Variants in TAX1BP1 observed in about 807,000 individuals in gnomAD.
TAX1BP1 encodes the protein Tax1 binding protein 1, also known as tax1-binding protein 1.
In TAX1BP1, 62 loss-of-function variants were observed where a neutral mutation model predicts 97.7. The observed-to-expected ratio is 0.63, with a 90% CI of 0.52 to 0.78. TAX1BP1 has a LOEUF of 0.78. TAX1BP1 is among the 30% of genes least tolerant of loss of function. TAX1BP1 has a pLI of 0.00. For synonymous variants in TAX1BP1, 340 were observed against 304.2 expected, an observed-to-expected ratio of 1.12 and a Z score of -1.23; for missense variants, 867 against 916.1, an observed-to-expected ratio of 0.95 and a Z score of 0.69.
chr7:27,748,769 C>A, intron 2 of TAX1BP1, 83 bp downstream of exon 2: 2 of 1,101,002 alleles, frequency 1.8e-6, no homozygotes, highest in African/African-American at 1.6e-5. Flanking sequence ...CTTTTACTTG[C>A]CTTAACTCTG....
At chr7:27,818,952 G>A (rs1790876536) in intron 15 of TAX1BP1, among the ~76,000 whole-genome samples, 1 of 152,066 alleles carries the variant, frequency 6.6e-6, no homozygotes. Flanking sequence ...CTGTCAAATG[G>A]ACTAAACCAG....
chr7:27,740,005 A>G (rs1046153662), upstream of TAX1BP1: 1 of 152,272 alleles, frequency 6.6e-6, no homozygotes, highest in Non-Finnish European at 1.5e-5. Context: ...GTAAGGAGAG[A>G]GCCAGCCTAC....
At chr7:27,791,898 A>G (rs575973422) in intron 8 of TAX1BP1, 108 bp from the exon 9 acceptor site, 2 of 951,998 alleles carry the variant, frequency 2.1e-6, no homozygotes, top group East Asian at 5.2e-5. Context: ...GAGTAGAAAA[A>G]CCAATATCTA....
At chr7:27,768,172 G>T (rs1469385142) in intron 4 of TAX1BP1, among the ~76,000 whole-genome samples, 1 of 151,938 alleles carries the variant, frequency 6.6e-6, no homozygotes, top group Non-Finnish European at 1.5e-5. Flanking sequence ...GGTGATGCTT[G>T]CTCTGAAGTA....
rs759547346 is a variant in TAX1BP1 at position 27,794,377 on chromosome 7, G to C, written c.1465G>C (p.Asp489His). The C allele has an allele frequency of 5.0e-6, 8 of 1,613,240 alleles. No homozygotes were observed. In the Admixed American group the frequency reaches 5.0e-5, roughly 10 times the overall value. Residue 489 changes from aspartate to histidine, a missense_variant, in exon 11 of 17, where the codon GAT becomes CAT. Transcript: ENST00000396319. ...KKTGNQQKVN[D>H]ASVNTDPATS... ...AACGGGGAATCAGCAGAAAGTGAAT[G>C]ATGCTTCAGTAAACACAGACCCAGC...
At chr7:27,760,532 G>A (rs1471581578) in intron 3 of TAX1BP1, among the ~76,000 whole-genome samples, 2 of 151,222 alleles carry the variant, frequency 1.3e-5, no homozygotes, top group South Asian at 2.1e-4. Flanking sequence ...AGCTGGGACC[G>A]GAGGCGCCCG....
At chr7:27,742,249 C>A (rs1375589916) in intron 1 of TAX1BP1, among the ~76,000 whole-genome samples, 1 of 152,168 alleles carries the variant, frequency 6.6e-6, no homozygotes, top group African/African-American at 2.4e-5. Flanking sequence ...TCCCACGAGG[C>A]CATATTTCAG....
At chr7:27,778,523 A>G (rs1428553362) in intron 5 of TAX1BP1, among the ~76,000 whole-genome samples, 1 of 152,212 alleles carries the variant, frequency 6.6e-6, no homozygotes, top group Non-Finnish European at 1.5e-5. Flanking sequence ...GAAAGCAAGC[A>G]TCCAAAAGCC....
intron 2 of TAX1BP1, among the ~76,000 whole-genome samples, chr7:27,753,162 T>C (rs1788084549): frequency 6.6e-6 from 1 of 152,116 alleles, no homozygotes; most frequent in African/African-American, 2.4e-5. Context: ...TAGCCGGGTG[T>C]GGTGGTGCAT....
At position 27,761,852 on chromosome 7, in the gene TAX1BP1, A is replaced by G. The variant is rs373567985; in HGVS notation, c.265+3719A>G. Among the ~76,000 whole-genome samples, 10 of 152,266 alleles carry G rather than the reference A, an allele frequency of 6.6e-5. No individual in the cohort carries two copies. In the South Asian group the frequency reaches 1.5e-3, roughly 22 times the overall value. ...ATGTGAGTAAATACCAGGGAATGTA[A>G]TTAATTAATTGTATAAGAGCATGTT... is the stretch of plus-strand genomic sequence containing the variant. On this transcript the variant is annotated intron_variant, in intron 3 of 16. Coordinates refer to ENST00000396319, the MANE Select transcript of TAX1BP1 (RefSeq NM_006024.7).
At chr7:27,819,845 A>G (rs1790910267) in intron 15 of TAX1BP1, among the ~76,000 whole-genome samples, 1 of 152,226 alleles carries the variant, frequency 6.6e-6, no homozygotes, top group Non-Finnish European at 1.5e-5. Flanking sequence ...ATATCCTTAG[A>G]AAATTAAAAT....
rs573462689 is a variant in TAX1BP1, at chr7:27,751,809, T to C, written c.162+3123T>C. 2.5e-3 allele frequency among the ~76,000 whole-genome samples: 373 copies of C among 152,154 alleles called. 1 individual carries two copies. The highest frequency in any genetic ancestry group is 8.6e-3 in the African/African-American group (358 of 41,520). On this transcript the variant is annotated intron_variant, in intron 2 of 16. Transcript: ENST00000396319. ...TTGATTTGCCTGGGACAGCTATCAA[T>C]TAAAAATTTATTATTATTATTTTTT...
chr7:27,768,923 G>A (rs1016481069), intron 4 of TAX1BP1, among the ~76,000 whole-genome samples: 5 of 151,912 alleles, frequency 3.3e-5, no homozygotes, highest in Non-Finnish European at 7.4e-5. Context: ...TACCACCTTT[G>A]TTAAGTCTTC....
chr7:27,740,932 A>C (rs572651737), intron 1 of TAX1BP1, among the ~76,000 whole-genome samples: 3 of 152,082 alleles, frequency 2.0e-5, no homozygotes, highest in Non-Finnish European at 1.5e-5. Flanking sequence ...ACCGACTTGC[A>C]CTCCTGGCTT....
intron 7 of TAX1BP1, among the ~76,000 whole-genome samples, chr7:27,786,591 T>C (rs746525853): frequency 9.8e-5 from 15 of 152,298 alleles, no homozygotes; most frequent in Non-Finnish European, 1.8e-4. Flanking sequence ...TAAGTCCGTT[T>C]CTTGTTAAGT....
chr7:27,783,465 T>G (rs3779473), intron 5 of TAX1BP1, among the ~76,000 whole-genome samples: 117,917 of 152,120 alleles, frequency 0.78, 46,770 homozygotes, highest in African/African-American at 0.94. Context: ...AGGAGGCTTG[T>G]ATGCTGGGAA....
chr7:27,763,521 C>A (rs1184620668), intron 3 of TAX1BP1, among the ~76,000 whole-genome samples: 3 of 152,118 alleles, frequency 2.0e-5, no homozygotes, highest in Non-Finnish European at 4.4e-5. Flanking sequence ...AATCCCAGCA[C>A]TTTGGGAGGC....
intron 5 of TAX1BP1, among the ~76,000 whole-genome samples, chr7:27,783,891 T>C (rs1346298645): frequency 6.6e-6 from 1 of 152,170 alleles, no homozygotes; most frequent in East Asian, 1.9e-4. Flanking sequence ...ATAAATATTA[T>C]TTGTTTTTTT....
At position 27,770,462 on chromosome 7, in the gene TAX1BP1, A is replaced by G. The variant is rs545770973; in HGVS notation, c.612+628A>G. Among the ~76,000 whole-genome samples the G allele has an allele frequency of 2.0e-5, 3 of 152,240 alleles. No individual in the cohort carries two copies. The East Asian group carries it at 5.8e-4, about 29-fold the overall frequency. Reference sequence around the variant, plus strand: ...CTTGTTTATTTAATATTTTCACAAGAAAAGCAGTTTGTTCTGAAACTTACA... The same window carrying G: ...CTTGTTTATTTAATATTTTCACAAGGAAAGCAGTTTGTTCTGAAACTTACA... On this transcript the variant is annotated intron_variant, in intron 5 of 16. Coordinates refer to ENST00000396319, the MANE Select transcript of TAX1BP1 (RefSeq NM_006024.7).
Sources: allele counts gnomAD v4.1 joint callset (sites outside exome capture counted in the v4.1 genomes callset), GRCh38; gene constraint gnomAD v4.1.1; transcripts MANE v1.5; gene names NCBI Gene and HGNC (gene_info 2026-07-23, HGNC 2026-07-21).